MAGI1: variants seen among roughly 807,000 people sequenced by gnomAD.
MAGI1 encodes the protein membrane-associated guanylate kinase, WW and PDZ domain-containing protein 1.
MAGI1 carries 58 observed loss-of-function variants against 139.9 expected under a neutral mutation model. That is an observed-to-expected ratio of 0.41 (90% CI 0.34 to 0.52). MAGI1 has a LOEUF of 0.52. Ranked by LOEUF, MAGI1 falls within the 20% of genes least tolerant of loss-of-function variation. The pLI is 0.12. For synonymous variants in MAGI1, 812 were observed against 737.9 expected (o/e 1.10, Z -1.63); for missense variants, 1,874 against 1,901.6 (o/e 0.99, Z 0.27).
intron 1 of MAGI1, among the ~76,000 whole-genome samples, chr3:65,828,636 C>T (rs1453656903): frequency 6.6e-6 from 1 of 152,086 alleles, no homozygotes; most frequent in Non-Finnish European, 1.5e-5. Context: ...GAATAATGGC[C>T]CCCTAATGAT....
chr3:65,407,112 T>C (rs999265980), intron 12 of MAGI1, among the ~76,000 whole-genome samples: 1 of 152,144 alleles, frequency 6.6e-6, no homozygotes, highest in East Asian at 1.9e-4. Context: ...CAAAAATTCC[T>C]ATAAAAAGAT....
At chr3:65,521,193 C>T (rs565122363) in intron 2 of MAGI1, among the ~76,000 whole-genome samples, 11 of 152,030 alleles carry the variant, frequency 7.2e-5, no homozygotes, top group Non-Finnish European at 1.3e-4. Flanking sequence ...AGAGATACTA[C>T]TCACATCCCA....
chr3:65,897,029 C>G (rs1367560557), intron 1 of MAGI1, among the ~76,000 whole-genome samples: 1 of 152,116 alleles, frequency 6.6e-6, no homozygotes, highest in Non-Finnish European at 1.5e-5. Flanking sequence ...TTGCATAAAA[C>G]CTATGCACAT....
intron 6 of MAGI1, among the ~76,000 whole-genome samples, chr3:65,450,310 G>A (rs948071823): frequency 1.3e-5 from 2 of 152,142 alleles, no homozygotes; most frequent in Non-Finnish European, 2.9e-5. Flanking sequence ...AACATAAAAA[G>A]GAGAGTGAAA....
At chr3:65,959,518 C>A (rs2064302348) in intron 1 of MAGI1, among the ~76,000 whole-genome samples, 1 of 151,346 alleles carries the variant, frequency 6.6e-6, no homozygotes, top group East Asian at 1.9e-4. Context: ...CTCAGTGTAG[C>A]CTCTACTTCC....
intron 1 of MAGI1, among the ~76,000 whole-genome samples, chr3:65,918,637 C>T (rs1352213481): frequency 2.0e-5 from 3 of 152,024 alleles, no homozygotes; most frequent in Non-Finnish European, 4.4e-5. Context: ...CCTTGGCCTC[C>T]CAAAATGCTG....
chr3:65,670,437 T>G (rs763062695), intron 1 of MAGI1, among the ~76,000 whole-genome samples: 1 of 152,044 alleles, frequency 6.6e-6, no homozygotes, highest in East Asian at 1.9e-4. Flanking sequence ...TCTGAGTTAT[T>G]TGAATTCCTG....
intron 2 of MAGI1, among the ~76,000 whole-genome samples, chr3:65,541,782 G>T (rs1442486274): frequency 2.0e-5 from 3 of 152,036 alleles, no homozygotes; most frequent in Non-Finnish European, 4.4e-5. Context: ...AAAATAATAA[G>T]AGCTATTTAT....
intron 1 of MAGI1, among the ~76,000 whole-genome samples, chr3:66,021,651 A>C (rs991390374): frequency 2.0e-5 from 3 of 152,158 alleles, no homozygotes; most frequent in East Asian, 3.9e-4. Context: ...CACAGAGTCC[A>C]CACCCCCAGG....
At chr3:65,397,255 G>C (rs1336799286) in intron 13 of MAGI1, among the ~76,000 whole-genome samples, 2 of 152,196 alleles carry the variant, frequency 1.3e-5, no homozygotes, top group African/African-American at 4.8e-5. Context: ...AAAACGGAAT[G>C]ATCTAGGCCA....
In MAGI1 at chr3:65,571,680, G is replaced by C. The variant is rs138524872; in HGVS notation, c.430+50292C>G. ...TAGATTTCAAAAAGACATTTGGTAGGGTTTTTCTATAAAGGAGGAGCCATG... is the reference window on the plus strand; with the variant it reads ...TAGATTTCAAAAAGACATTTGGTAGCGTTTTTCTATAAAGGAGGAGCCATG... On this transcript the variant is annotated intron_variant, in intron 2 of 22. Coordinates refer to ENST00000402939, the MANE Select transcript of MAGI1 (RefSeq NM_001033057.2). Among the ~76,000 whole-genome samples, 13 of 151,572 alleles carry C rather than the reference G, an allele frequency of 8.6e-5. No individual in the cohort carries two copies. The East Asian group carries it at 2.3e-3, about 27-fold the overall frequency.
chr3:65,654,280 C>T (rs2085742411), intron 1 of MAGI1, among the ~76,000 whole-genome samples: 1 of 152,166 alleles, frequency 6.6e-6, no homozygotes, highest in South Asian at 2.1e-4. Flanking sequence ...TCATTTGATG[C>T]TTTCACACGT....
rs190523972 is a variant in MAGI1, at chr3:65,623,260, T to C, written c.314-1172A>G. Among the ~76,000 whole-genome samples, 282 of 152,276 alleles carry C rather than the reference T, an allele frequency of 1.9e-3. 2 individuals carry two copies. Among genetic ancestry groups the C allele is most frequent in the Admixed American group, 3.2e-3 (49 of 15,288 alleles). ...AATGTATGTTGCTTTTTGGTTGTTGTTGTTGTTGTTATTGTTAAGCATAGT... is the reference window on the plus strand; with the variant it reads ...AATGTATGTTGCTTTTTGGTTGTTGCTGTTGTTGTTATTGTTAAGCATAGT... On this transcript the variant is annotated intron_variant, in intron 1 of 22. Coordinates refer to ENST00000402939, the MANE Select transcript of MAGI1 (RefSeq NM_001033057.2).
At chr3:65,855,116 G>A (rs1010743500) in intron 1 of MAGI1, among the ~76,000 whole-genome samples, 29 of 152,236 alleles carry the variant, frequency 1.9e-4, no homozygotes, top group Admixed American at 1.8e-3. Flanking sequence ...TCCGTGGGGG[G>A]CGGGGGTGAG....
chr3:65,905,422 A>T (rs1038940889), intron 1 of MAGI1, among the ~76,000 whole-genome samples: 1 of 149,136 alleles, frequency 6.7e-6, no homozygotes, highest in Admixed American at 6.7e-5. Context: ...TCTATGAAAT[A>T]TTTTTTTTTT....
intron 5 of MAGI1, among the ~76,000 whole-genome samples, chr3:65,456,756 G>T (rs1460658881): frequency 6.6e-6 from 1 of 152,004 alleles, no homozygotes; most frequent in Non-Finnish European, 1.5e-5. Context: ...ACTTGCTCTT[G>T]GACCATTTAC....
At position 65,379,092 on chromosome 3, in the gene MAGI1, G is replaced by A. The variant is rs1942822100; in HGVS notation, c.2995+169C>T. The A allele has an allele frequency of 7.7e-6, 11 of 1,422,268 alleles. No homozygotes were observed. In the South Asian group the frequency reaches 1.4e-4, roughly 18 times the overall value. 88.1% of individuals were successfully genotyped at this position (1,422,268 alleles called of 1,614,324 possible). On this transcript the variant is annotated intron_variant, in intron 17 of 22. Transcript: ENST00000402939. ...AACAAATATTCCCAACCTTCAAAAG[G>A]GAAAAAGCTACCAAATCAACTCCAT... is the stretch of plus-strand genomic sequence containing the variant.
Position 65,448,044 on chromosome 3 carries a change from G to A in MAGI1, c.1056C>T (p.Thr352=), listed in dbSNP as rs746246071. ...EECEDDEGVH[T]EELDSELELP... ...TACCTAGTTCACTGTCCAGCTCCTC[G>A]GTGTGTACCCCTTCTTCTCCAAAGG... Residue 352 remains threonine, a synonymous_variant, in exon 7 of 23, where the codon ACC becomes ACT. Transcript: ENST00000402939. The A allele has an allele frequency of 1.2e-5, 19 of 1,613,994 alleles. No homozygotes were observed. The highest frequency in any genetic ancestry group is 6.6e-5 in the South Asian group (6 of 91,074).
At chr3:65,885,226 C>T (rs757771352) in intron 1 of MAGI1, among the ~76,000 whole-genome samples, 11 of 151,826 alleles carry the variant, frequency 7.2e-5, no homozygotes, top group Non-Finnish European at 1.3e-4. Context: ...CAGTGAAACC[C>T]CATTTCTACC....
Sources: allele counts gnomAD v4.1 joint callset (sites outside exome capture counted in the v4.1 genomes callset), GRCh38; gene constraint gnomAD v4.1.1; transcripts MANE v1.5; gene names NCBI Gene and HGNC (gene_info 2026-07-23, HGNC 2026-07-21).